Variants in HDAC8 observed in about 807,000 individuals in gnomAD.
The protein encoded by HDAC8 is histone deacetylase 8.
HDAC8 carries 1 observed loss-of-function variant against 32.2 expected under a neutral mutation model. The ratio of observed to expected loss-of-function variants is 0.03; its 90% confidence interval spans 0.01 to 0.15. The LOEUF is 0.15. HDAC8 is among the 10% of genes least tolerant of loss of function. HDAC8 has a pLI of 1.00. For missense variants in HDAC8, 117 were observed against 300.0 expected (o/e 0.39, Z 4.51); for synonymous variants, 108 against 113.9 (o/e 0.95, Z 0.33).
chrX:72,472,656 T>C (rs937329750), intron 7 of HDAC8, among the ~76,000 whole-genome samples: 1 of 112,048 alleles, frequency 8.9e-6, no homozygotes, highest in Non-Finnish European at 1.9e-5. Flanking sequence ...CTATTCTGGG[T>C]TGAATTTCTG....
At chrX:72,377,356 T>G (rs2147812539) in intron 9 of HDAC8, among the ~76,000 whole-genome samples, 1 of 112,498 alleles carries the variant, frequency 8.9e-6, no homozygotes, top group African/African-American at 3.2e-5. Flanking sequence ...TGATTTAACT[T>G]ATGTTCTGTC....
chrX:72,441,645 AAC>A (rs1179150286), intron 9 of HDAC8, among the ~76,000 whole-genome samples: 1 of 112,480 alleles, frequency 8.9e-6, no homozygotes, highest in Non-Finnish European at 1.9e-5. Context: ...CCTCCAAAGG[AAC>A]ACAGTTTCTC....
At chrX:72,500,423 A>G (rs1433570001) in intron 4 of HDAC8, among the ~76,000 whole-genome samples, 1 of 112,003 alleles carries the variant, frequency 8.9e-6, no homozygotes, top group Non-Finnish European at 1.9e-5. Flanking sequence ...CAAAATGCTA[A>G]TCCACCATGA....
chrX:72,352,545 G>T (rs1418318900), intron 9 of HDAC8, among the ~76,000 whole-genome samples: 2 of 111,502 alleles, frequency 1.8e-5, no homozygotes, highest in Non-Finnish European at 3.8e-5. Context: ...CTCCCCGAAG[G>T]CAGGCAGCAC....
At chrX:72,395,940 G>A (rs2045750282) in intron 9 of HDAC8, among the ~76,000 whole-genome samples, 1 of 111,754 alleles carries the variant, frequency 8.9e-6, no homozygotes, top group African/African-American at 3.3e-5. Context: ...GTGTAAATAT[G>A]CAAACTGTTT....
chrX:72,369,868 T>G (rs2044816742), intron 9 of HDAC8, among the ~76,000 whole-genome samples: 1 of 113,021 alleles, frequency 8.8e-6, no homozygotes, highest in African/African-American at 3.2e-5. Context: ...TGACTGTAAT[T>G]ACGATGACAT....
chrX:72,385,429 A>G (rs1336675272), intron 9 of HDAC8, among the ~76,000 whole-genome samples: 2 of 110,839 alleles, frequency 1.8e-5, no homozygotes, highest in Admixed American at 1.9e-4. Flanking sequence ...ACGCCACTGC[A>G]CCCCAGCCTG....
chrX:72,511,895 CAG>C lies in HDAC8; in HGVS notation c.438-16629_438-16628del, dbSNP rs1344823063. 2.7e-5 allele frequency among the ~76,000 whole-genome samples: 3 copies of C among 111,860 alleles called. No homozygotes were observed. In the East Asian group the frequency reaches 8.4e-4, roughly 31 times the overall value. ...TACATTAATTACAACACTAAGTAGA[CAG>C]ATATAAAATTTTAAGCATTCTTTCT... On this transcript the variant is annotated intron_variant, in intron 4 of 10. Transcript: ENST00000373573.
intron 10 of HDAC8, among the ~76,000 whole-genome samples, chrX:72,345,393 G>A (rs2043998938): frequency 9.0e-6 from 1 of 111,138 alleles, no homozygotes; most frequent in Non-Finnish European, 1.9e-5. Context: ...CAAATCTTGA[G>A]TTTACCACTT....
intron 9 of HDAC8, among the ~76,000 whole-genome samples, chrX:72,446,236 G>A (rs1318372058): frequency 1.8e-5 from 2 of 112,192 alleles, no homozygotes; most frequent in African/African-American, 3.2e-5. Flanking sequence ...ACACGCACAC[G>A]TATGTTTATT....
intron 9 of HDAC8, among the ~76,000 whole-genome samples, chrX:72,407,976 G>A (rs1348984249): frequency 9.0e-6 from 1 of 111,541 alleles, no homozygotes; most frequent in Non-Finnish European, 1.9e-5. Context: ...AAGGCCCATG[G>A]CAAGCAGAAA....
chrX:72,465,562 C>T (rs2047996634), intron 7 of HDAC8, among the ~76,000 whole-genome samples: 1 of 111,426 alleles, frequency 9.0e-6, no homozygotes, highest in Admixed American at 9.5e-5. Context: ...TATAAAGTCC[C>T]TGCTCTCAAG....
chrX:72,349,435 C>A (rs981890309), intron 10 of HDAC8, among the ~76,000 whole-genome samples: 1 of 112,619 alleles, frequency 8.9e-6, no homozygotes, highest in African/African-American at 3.2e-5. Flanking sequence ...TAGCAAAATG[C>A]TGCTAAGCCA....
At chrX:72,399,539 T>TA (rs2045851299) in intron 9 of HDAC8, among the ~76,000 whole-genome samples, 1 of 112,296 alleles carries the variant, frequency 8.9e-6, no homozygotes, top group Non-Finnish European at 1.9e-5. Flanking sequence ...ACAATGACTA[T>TA]ATTGATTGAT....
intron 10 of HDAC8, among the ~76,000 whole-genome samples, chrX:72,346,806 A>G (rs1490701732): frequency 2.7e-5 from 3 of 111,316 alleles, no homozygotes; most frequent in African/African-American, 9.8e-5. Flanking sequence ...TACAAAGCCT[A>G]TGTCAGGGGC....
chrX:72,552,203 T>C (rs1318665465), intron 4 of HDAC8, among the ~76,000 whole-genome samples: 2 of 111,898 alleles, frequency 1.8e-5, no homozygotes, highest in Non-Finnish European at 3.8e-5. Flanking sequence ...GGCTCACGCC[T>C]ATAATCCTAG....
rs200102619 is a variant in HDAC8, at chrX:72,361,033, A to AG, written c.1006-9196dup. Among the ~76,000 whole-genome samples the AG allele has an allele frequency of 3.4e-3, 375 of 111,687 alleles. 5 individuals carry two copies. The highest frequency in any genetic ancestry group is 0.012 in the African/African-American group (360 of 30,732). On this transcript the variant is annotated intron_variant, in intron 9 of 10. Coordinates refer to ENST00000373573, the MANE Select transcript of HDAC8 (RefSeq NM_018486.3). The stretch of plus-strand genomic sequence containing the variant: ...AGCACAACCAAAAGGTCAGGGAGAT[A>AG]GGGGCTATTGAAGATAAGATGCTAC...
chrX:72,346,743 T>C (rs2044038606), intron 10 of HDAC8, among the ~76,000 whole-genome samples: 1 of 92,019 alleles, frequency 1.1e-5, no homozygotes, highest in Non-Finnish European at 2.0e-5. Flanking sequence ...GAAAGGGAGC[T>C]AGAAGCTTCA....
At chrX:72,410,615 CA>C (rs1390111553) in intron 9 of HDAC8, among the ~76,000 whole-genome samples, 1 of 111,759 alleles carries the variant, frequency 8.9e-6, no homozygotes, top group East Asian at 2.8e-4. Flanking sequence ...GTTCCACATT[CA>C]AAAGAGTCAT....
Sources: gnomAD v4.1 joint callset for allele counts (sites outside exome capture counted in the v4.1 genomes callset) on GRCh38, gnomAD v4.1.1 for gene constraint, MANE v1.5 for transcripts, NCBI Gene and HGNC (gene_info 2026-07-23, HGNC 2026-07-21) for gene names.